The following PTN variants were observed in gnomAD, a reference collection of about 807,000 sequenced individuals.
The protein encoded by PTN is heparin affin regulatory protein.
Under a neutral mutation model 24.1 loss-of-function variants are expected in PTN, and 18 were observed. That is an observed-to-expected ratio of 0.75 (90% CI 0.52 to 1.11). The LOEUF is 1.11. Ranked by LOEUF, PTN falls within the 50% of genes least tolerant of loss-of-function variation. PTN has a pLI of 0.00. For missense variants in PTN, 163 were observed against 198.8 expected (o/e 0.82, Z 1.08); for synonymous variants, 78 against 68.6 (o/e 1.14, Z -0.67).
At chr7:137,255,019 T>G in intron 1 of PTN, 45 bp from the exon 2 acceptor site, 1 of 1,379,908 alleles carries the variant, frequency 7.2e-7, no homozygotes, top group Non-Finnish European at 9.9e-7. Context: ...TTAACCTAAG[T>G]CAGAAAGGAA....
At chr7:137,262,947 C>G (rs186629789) in intron 1 of PTN, among the ~76,000 whole-genome samples, 2 of 152,258 alleles carry the variant, frequency 1.3e-5, no homozygotes, top group Admixed American at 1.3e-4. Context: ...TTTCTCTTCT[C>G]TTTCCTTTTC....
intron 1 of PTN, among the ~76,000 whole-genome samples, chr7:137,332,801 A>C (rs1810380886): frequency 6.6e-6 from 1 of 152,168 alleles, no homozygotes; most frequent in Admixed American, 6.5e-5. Context: ...GATGTTCATA[A>C]GCTCACAAAT....
At chr7:137,241,952 T>C (rs1354596994) in intron 4 of PTN, among the ~76,000 whole-genome samples, 9 of 152,112 alleles carry the variant, frequency 5.9e-5, no homozygotes. Context: ...CTCACCTCTC[T>C]CAACACAGTT....
intron 1 of PTN, among the ~76,000 whole-genome samples, chr7:137,261,731 T>G (rs77485971): frequency 9.9e-5 from 15 of 152,154 alleles, no homozygotes; most frequent in Non-Finnish European, 1.8e-4. Context: ...CAACAAAATA[T>G]GGACAGCTGT....
chr7:137,321,670 G>A (rs958762875), intron 1 of PTN, among the ~76,000 whole-genome samples: 1 of 152,076 alleles, frequency 6.6e-6, no homozygotes, highest in Non-Finnish European at 1.5e-5. Context: ...TCTTGTCACA[G>A]CACTATTTAA....
chr7:137,252,514 G>A (rs1418408064), intron 3 of PTN, among the ~76,000 whole-genome samples: 1 of 151,670 alleles, frequency 6.6e-6, no homozygotes, highest in East Asian at 1.9e-4. Flanking sequence ...GGTTTTTAAG[G>A]TGCCCATATA....
intron 1 of PTN, among the ~76,000 whole-genome samples, chr7:137,311,606 A>G (rs1238052139): frequency 6.6e-6 from 1 of 152,186 alleles, no homozygotes; most frequent in Non-Finnish European, 1.5e-5. Context: ...TCATTGGGTT[A>G]CTAGTTGGCC....
chr7:137,341,908 A>G (rs953383670), intron 1 of PTN, among the ~76,000 whole-genome samples: 2 of 152,188 alleles, frequency 1.3e-5, no homozygotes, highest in Non-Finnish European at 2.9e-5. Flanking sequence ...ATGAAAAAGT[A>G]CAAATATTGC....
At chr7:137,233,142 A>G (rs1231470799) in intron 4 of PTN, among the ~76,000 whole-genome samples, 1 of 151,986 alleles carries the variant, frequency 6.6e-6, no homozygotes, top group Non-Finnish European at 1.5e-5. Context: ...AGAAAACAAA[A>G]TCTTGATAAA....
intron 1 of PTN, among the ~76,000 whole-genome samples, chr7:137,269,421 T>A (rs73163670): frequency 1.3e-5 from 2 of 152,204 alleles, no homozygotes; most frequent in Non-Finnish European, 2.9e-5. Flanking sequence ...TGTTTTGGGT[T>A]CTCCCCCTGT....
At chr7:137,328,152 C>T (rs1562972154) in intron 1 of PTN, among the ~76,000 whole-genome samples, 2 of 152,134 alleles carry the variant, frequency 1.3e-5, no homozygotes, top group Non-Finnish European at 2.9e-5. Context: ...AGATTAAAGA[C>T]CCTTTTAAAA....
intron 1 of PTN, among the ~76,000 whole-genome samples, chr7:137,266,868 CTTTTTTTTTTTT>C (rs57274644): frequency 5.1e-5 from 5 of 98,742 alleles, no homozygotes; most frequent in Admixed American, 3.7e-4. Flanking sequence ...TATAGATGGC[CTTTTTTTTTTTT>C]TTTTTTTTTT....
chr7:137,247,346 T>C (rs1808741530), intron 4 of PTN, among the ~76,000 whole-genome samples: 1 of 152,150 alleles, frequency 6.6e-6, no homozygotes, highest in African/African-American at 2.4e-5. Flanking sequence ...TTAAAATGAA[T>C]GAGATTCAGT....
intron 1 of PTN, among the ~76,000 whole-genome samples, chr7:137,284,728 G>A (rs1445756682): frequency 6.6e-6 from 1 of 152,142 alleles, no homozygotes; most frequent in Non-Finnish European, 1.5e-5. Context: ...TCAACTTGGA[G>A]AGGTGGCTAC....
At chr7:137,262,432 A>G (rs531720082) in intron 1 of PTN, among the ~76,000 whole-genome samples, 1 of 151,872 alleles carries the variant, frequency 6.6e-6, no homozygotes, top group Non-Finnish European at 1.5e-5. Context: ...GAGTTTTCTA[A>G]TTATAATTTG....
chr7:137,279,214 G>A (rs554673815), intron 1 of PTN, among the ~76,000 whole-genome samples: 1 of 151,978 alleles, frequency 6.6e-6, no homozygotes, highest in African/African-American at 2.4e-5. Context: ...ATAAATCATA[G>A]CTAGTGATGT....
intron 1 of PTN, among the ~76,000 whole-genome samples, chr7:137,311,720 C>T (rs1014757354): frequency 6.6e-6 from 1 of 152,170 alleles, no homozygotes. Flanking sequence ...CAACATTTAT[C>T]TATTTTAAGT....
chr7:137,324,433 A>AAAAAAAAAAAAAAATATATATATAT, intron 1 of PTN, among the ~76,000 whole-genome samples: 2 of 88,762 alleles, frequency 2.3e-5, no homozygotes, highest in African/African-American at 1.4e-4. Context: ...AAAAAAAAAA[A>AAAAAAAAAAAAAAATATATATATAT]ATATATATAT....
Position 137,253,535 on chromosome 7 carries a change from C to A in PTN, c.218G>T (p.Gly73Val). The change falls in exon 3 of 5, where the codon GGA (glycine) becomes GTA (valine). Residue 73 changes from glycine (G) to valine (V), a missense_variant. Coordinates refer to ENST00000348225, the MANE Select transcript of PTN (RefSeq NM_002825.7). ...CTTCATGGTTTGCTTGCACTCAGCT[C>A]CAGTCCGAGTGCCCTCCCGTGTGCC... Reference protein sequence around the residue: ...GLGTREGTRTGAECKQTMKTQ... With the variant: ...GLGTREGTRTVAECKQTMKTQ... The A allele has an allele frequency of 6.2e-7, 1 of 1,612,614 alleles. No homozygotes were observed. The highest frequency in any genetic ancestry group is 1.1e-5 in the South Asian group (1 of 90,504).
Sources: gnomAD v4.1 joint callset for allele counts (sites outside exome capture counted in the v4.1 genomes callset) on GRCh38, gnomAD v4.1.1 for gene constraint, MANE v1.5 for transcripts, NCBI Gene and HGNC (gene_info 2026-07-23, HGNC 2026-07-21) for gene names.